Variants in ZNF717 observed in about 807,000 individuals in gnomAD.
The protein encoded by ZNF717 is krueppel-like factor X17.
A neutral mutation model predicts 13.8 loss-of-function variants in ZNF717; 9 were observed. That is an observed-to-expected ratio of 0.65 (90% CI 0.39 to 1.14). The LOEUF (loss-of-function observed/expected upper bound fraction) is 1.14, where lower values mean the gene tolerates loss of function less well. Among genes scored for constraint, ZNF717 ranks in the 50% most tolerant of loss-of-function variants. ZNF717 has a pLI of 0.01. For synonymous variants in ZNF717, 327 were observed against 364.1 expected (o/e 0.90, Z 1.16); for missense variants, 1,040 against 1,080.7 (o/e 0.96, Z 0.53).
At chr3:75,708,915 T>G (rs1937867578), downstream of ZNF717, among the ~76,000 whole-genome samples, 1 of 152,096 alleles carries the variant, frequency 6.6e-6, no homozygotes, top group Non-Finnish European at 1.5e-5. Context: ...TGGCAGAATT[T>G]GACGTGGCAG....
chr3:75,722,065 T>C (rs75340426), intron 4 of ZNF717, among the ~76,000 whole-genome samples: 3 of 148,144 alleles, frequency 2.0e-5, no homozygotes, highest in Admixed American at 6.9e-5. Context: ...GGCCAACACG[T>C]TGAAACCCCA....
At chr3:75,757,569 T>C (rs1942604042) in intron 2 of ZNF717, among the ~76,000 whole-genome samples, 1 of 152,184 alleles carries the variant, frequency 6.6e-6, no homozygotes, top group Non-Finnish European at 1.5e-5. Flanking sequence ...TACAGAGATG[T>C]ATAAAGAGCT....
chr3:75,716,910 A>C (rs76264716), intron 4 of ZNF717, among the ~76,000 whole-genome samples: 2 of 152,190 alleles, frequency 1.3e-5, no homozygotes, highest in Non-Finnish European at 2.9e-5. Flanking sequence ...ACACAAGTCC[A>C]GGGTAATTAC....
At chr3:75,695,489 T>C (rs1441273624) in intron 6 of ZNF717, among the ~76,000 whole-genome samples, 7 of 152,224 alleles carry the variant, frequency 4.6e-5, no homozygotes, top group African/African-American at 7.2e-5. Flanking sequence ...ACCTACTAGA[T>C]ATTTACAGAA....
intron 6 of ZNF717, among the ~76,000 whole-genome samples, chr3:75,703,115 T>C (rs1270702974): frequency 1.3e-5 from 2 of 152,194 alleles, no homozygotes; most frequent in Non-Finnish European, 2.9e-5. Flanking sequence ...TTGGTTTCAA[T>C]TGTAGTTAAT....
At chr3:75,708,355 AG>A (rs1937848901), downstream of ZNF717, among the ~76,000 whole-genome samples, 1 of 152,300 alleles carries the variant, frequency 6.6e-6, no homozygotes, top group Non-Finnish European at 1.5e-5. Flanking sequence ...CCAGGCAAAC[AG>A]GGTCTGGAGT....
At chr3:75,765,204 T>C (rs548412374) in intron 2 of ZNF717, among the ~76,000 whole-genome samples, 2 of 151,808 alleles carry the variant, frequency 1.3e-5, no homozygotes, top group South Asian at 2.1e-4. Flanking sequence ...CAAAGTAGAA[T>C]AGTACTTGCC....
intron 2 of ZNF717, among the ~76,000 whole-genome samples, chr3:75,764,699 G>C (rs1431063063): frequency 1.3e-5 from 2 of 152,156 alleles, no homozygotes; most frequent in African/African-American, 2.4e-5. Context: ...CTAATCATTA[G>C]AGAAATGCAA....
chr3:75,781,931 C>A (rs1244738951), intron 2 of ZNF717, among the ~76,000 whole-genome samples: 3 of 151,940 alleles, frequency 2.0e-5, no homozygotes, highest in Admixed American at 2.0e-4. Flanking sequence ...TCTGTTTTTT[C>A]TTCTGTAAGG....
chr3:75,737,882 G>A lies in ZNF717; in HGVS notation c.1741C>T (p.His581Tyr), dbSNP rs1288146417. Residue 581 changes from histidine to tyrosine, a missense_variant, in exon 5 of 5, where the codon CAT becomes TAT. This residue lies in a region of ZNF717 where 873 missense variants were observed against 832.8 expected (regional missense o/e 1.05). Transcript: ENST00000652011. ...SFHCKSFLTI[H>Y]QRTHAGKKPY... is the part of the protein sequence containing the mutation. ...TTTTTGCCAGCATGAGTTCTCTGAT[G>A]TATAGTTAGGAATGACTTACAGTGA... The A allele has an allele frequency of 5.2e-6, 8 of 1,547,202 alleles. No homozygotes were observed. In the African/African-American group the frequency reaches 5.5e-5, roughly 11 times the overall value.
At chr3:75,751,689 T>C (rs1575837245) in intron 2 of ZNF717, among the ~76,000 whole-genome samples, 1 of 143,456 alleles carries the variant, frequency 7.0e-6, no homozygotes, top group African/African-American at 2.6e-5. Context: ...CCTGCTGTGT[T>C]CTGAATATTT....
At chr3:75,702,245 G>C (rs1312309973) in intron 6 of ZNF717, among the ~76,000 whole-genome samples, 162 of 152,226 alleles carry the variant, frequency 1.1e-3, no homozygotes, top group African/African-American at 3.5e-3. Context: ...TGACTGGATA[G>C]AGAAAATGTG....
At chr3:75,709,922 C>T (rs1937896385) in exon 6 of ZNF717, 1 of 152,134 alleles carries the variant, frequency 6.6e-6, no homozygotes, top group Non-Finnish European at 1.5e-5. Flanking sequence ...TTGTTCTCAT[C>T]CCACATTGAG....
At chr3:75,732,012 A>T, downstream of ZNF717, 2 of 700,150 alleles carry the variant, frequency 2.9e-6, no homozygotes, top group South Asian at 1.5e-5. Flanking sequence ...GGAGGTAAAA[A>T]CACCAGGGAG....
chr3:75,777,190 G>C (rs112100333), intron 2 of ZNF717, among the ~76,000 whole-genome samples: 1 of 152,226 alleles, frequency 6.6e-6, no homozygotes, highest in Non-Finnish European at 1.5e-5. Context: ...TGAGTGACAT[G>C]CTAAACCGGA....
chr3:75,708,703 A>G (rs1428131059), downstream of ZNF717, among the ~76,000 whole-genome samples: 1 of 152,204 alleles, frequency 6.6e-6, no homozygotes, highest in Non-Finnish European at 1.5e-5. Flanking sequence ...AATGGCAAAG[A>G]AGTTAAAAAC....
intron 2 of ZNF717, among the ~76,000 whole-genome samples, chr3:75,778,897 A>G (rs1437557238): frequency 6.6e-6 from 1 of 151,526 alleles, no homozygotes; most frequent in Non-Finnish European, 1.5e-5. Context: ...ACCCAAAACA[A>G]TGGGAGTGCT....
rs1252381687 is a variant in ZNF717, at chr3:75,718,293, G to A, written n.545-1752C>T. On this transcript the variant is annotated intron_variant and non_coding_transcript_variant, in intron 4 of 5. Coordinates refer to the ZNF717 transcript ENST00000491507. Reference sequence around the variant, plus strand: ...CTTAGGTAAGAGGGTGCACATCCCAGCCATTGGATGTGGGGCTGGAGGAAG... The same window carrying A: ...CTTAGGTAAGAGGGTGCACATCCCAACCATTGGATGTGGGGCTGGAGGAAG... Among the ~76,000 whole-genome samples, 8 of 152,292 alleles carry A rather than the reference G, an allele frequency of 5.3e-5. No homozygotes were observed. In the East Asian group the frequency reaches 1.6e-3, roughly 30 times the overall value.
chr3:75,781,528 T>G (rs534177818), intron 2 of ZNF717, among the ~76,000 whole-genome samples: 1 of 152,208 alleles, frequency 6.6e-6, no homozygotes, highest in African/African-American at 2.4e-5. Flanking sequence ...ATACCCAAAG[T>G]TGTGTTAACA....
Sources: allele counts gnomAD v4.1 joint callset (sites outside exome capture counted in the v4.1 genomes callset), GRCh38; gene constraint gnomAD v4.1.1; regional missense constraint gnomAD v4.1.1; transcripts MANE v1.5; gene names NCBI Gene and HGNC (gene_info 2026-07-23, HGNC 2026-07-21).